HOXB3: variants seen among roughly 807,000 people sequenced by gnomAD.
The protein encoded by HOXB3 is homeobox B3, also known as homeobox protein Hox-B3.
In HOXB3, 17 loss-of-function variants were observed where a neutral mutation model predicts 29.2. The observed-to-expected ratio is 0.58, with a 90% CI of 0.40 to 0.87. HOXB3 has a LOEUF of 0.87. Ranked by LOEUF, HOXB3 falls within the 40% of genes least tolerant of loss-of-function variation. The pLI is 0.00. For synonymous variants in HOXB3, 317 were observed against 285.9 expected, an observed-to-expected ratio of 1.11 and a Z score of -1.10; for missense variants, 637 against 616.3, an observed-to-expected ratio of 1.03 and a Z score of -0.35.
intron 1 of HOXB3, chr17:48,576,570 C>T (rs2069769729): frequency 1.7e-6 from 1 of 605,932 alleles, no homozygotes; most frequent in South Asian, 3.0e-5. Flanking sequence ...CCCTCCCCCT[C>T]TTCTGCGTTT....
chr17:48,577,854 C>G lies in HOXB3; in HGVS notation c.-424-3840G>C, dbSNP rs200815965. ...GGGTGGGAGGGGGAAGGGGTGCCCACGCACTCACCCGTGCTCACGTGAACT... is the reference window on the plus strand; with the variant it reads ...GGGTGGGAGGGGGAAGGGGTGCCCAGGCACTCACCCGTGCTCACGTGAACT... On this transcript the variant is annotated intron_variant, in intron 1 of 4. Coordinates refer to ENST00000498678, the MANE Select transcript of HOXB3 (RefSeq NM_001384749.1). 9 of 1,401,824 alleles carry G rather than the reference C, an allele frequency of 6.4e-6. No homozygotes were observed. In the East Asian group the frequency reaches 2.2e-4, roughly 34 times the overall value. The allele number at this position is 1,401,824 out of a possible 1,614,324, so 86.8% of individuals were successfully genotyped here.
At position 48,552,192 on chromosome 17, in the gene HOXB3, C is replaced by T; in HGVS notation, c.283G>A (p.Ala95Thr). 6.2e-7 allele frequency: 1 copy of T among 1,613,474 alleles called. No homozygotes were observed. The highest frequency in any genetic ancestry group is 8.5e-7 in the Non-Finnish European group (1 of 1,179,776). Residue 95 changes from alanine (A) to threonine (T), a missense_variant, in exon 4 of 5, where the codon GCA becomes ACA. Coordinates refer to ENST00000498678, the MANE Select transcript of HOXB3 (RefSeq NM_001384749.1). ...APPGSPPPSA[A>T]PTSATSNSSN... ...CTGTTGCTAGTGGCACTGGTAGGTG[C>T]GGCACTGGGCGGGGGTGAGCCAGGC...
intron 1 of HOXB3, chr17:48,577,839 G>C: frequency 7.2e-7 from 1 of 1,394,516 alleles, no homozygotes; most frequent in East Asian, 2.8e-5. Flanking sequence ...GGGTGGGAGG[G>C]GGAAGGGGTG....
At chr17:48,577,260 G>A (rs2069796908) in intron 1 of HOXB3, among the ~76,000 whole-genome samples, 1 of 152,174 alleles carries the variant, frequency 6.6e-6, no homozygotes, top group Non-Finnish European at 1.5e-5. Flanking sequence ...GGGAAGGGGG[G>A]CGTGTGAGGA....
chr17:48,579,812 A>AT, intron 1 of HOXB3: 2 of 452,866 alleles, frequency 4.4e-6, no homozygotes, highest in Admixed American at 5.2e-5. Context: ...ATACATATAT[A>AT]TATATTTTTT....
rs147885355 is a variant in HOXB3 at position 48,565,187 on chromosome 17, A to G, written c.-247+8650T>C. On this transcript the variant is annotated intron_variant, in intron 2 of 4. Transcript: ENST00000498678. The stretch of plus-strand genomic sequence containing the variant: ...GAAAGTCCCAACTCCCCCCACCCCC[A>G]TGATGAAATTCTGTTTGGGGAGGTC... Among the ~76,000 whole-genome samples the G allele has an allele frequency of 1.7e-3, 255 of 152,272 alleles. 2 individuals carry two copies. Among genetic ancestry groups the G allele is most frequent in the African/African-American group, 5.7e-3 (238 of 41,556 alleles).
Position 48,578,389 on chromosome 17 carries a change from G to T in HOXB3, c.-424-4375C>A, listed in dbSNP as rs143310387. On this transcript the variant is annotated intron_variant, in intron 1 of 4. Coordinates refer to ENST00000498678, the MANE Select transcript of HOXB3 (RefSeq NM_001384749.1). ...ACCCCTGACTCGTTTTCCTGTTTCC[G>T]AAAGCCCTCCTACTTACTGTCAAGT... is the stretch of plus-strand genomic sequence containing the variant. The T allele has an allele frequency of 1.5e-3, 2,236 of 1,540,726 alleles. 28 individuals carry two copies. The African/African-American group carries it at 0.024, about 16-fold the overall frequency.
intron 2 of HOXB3, 148 bp from the exon 3 acceptor site, chr17:48,555,766 C>T (rs2068963237): frequency 1.6e-6 from 1 of 625,822 alleles, no homozygotes; most frequent in Non-Finnish European, 2.9e-6. Context: ...ATTCACTCGG[C>T]TTAGGAGCAG....
At chr17:48,574,804 C>A (rs1167152684) in intron 1 of HOXB3, among the ~76,000 whole-genome samples, 1 of 152,090 alleles carries the variant, frequency 6.6e-6, no homozygotes, top group Non-Finnish European at 1.5e-5. Context: ...TATTTGGTCC[C>A]CAGTCATACT....
chr17:48,588,787 G>C (rs949624030), intron 1 of HOXB3, among the ~76,000 whole-genome samples: 10 of 152,314 alleles, frequency 6.6e-5, no homozygotes, highest in African/African-American at 2.4e-4. Context: ...AGTCAGGCTT[G>C]GGCAGTGGAT....
chr17:48,578,555 A>T (rs998540874), intron 1 of HOXB3: 12 of 368,012 alleles, frequency 3.3e-5, no homozygotes, highest in Non-Finnish European at 4.5e-6. Context: ...CTCCCCACCC[A>T]CCCACCCAAC....
At chr17:48,565,287 C>A (rs956421257) in intron 2 of HOXB3, among the ~76,000 whole-genome samples, 3 of 152,182 alleles carry the variant, frequency 2.0e-5, no homozygotes, top group Non-Finnish European at 4.4e-5. Context: ...CATTCCCTGG[C>A]ACTTCAGCTC....
Position 48,552,391 on chromosome 17 carries a change from G to A in HOXB3, c.84C>T (p.Gly28=). The A allele has an allele frequency of 6.2e-7, 1 of 1,612,704 alleles. No homozygotes were observed. Among genetic ancestry groups the A allele is most frequent in the South Asian group, 1.1e-5 (1 of 90,960 alleles). The change falls in exon 4 of 5, where the codon GGC becomes GGT. Residue 28 remains glycine (G), a synonymous_variant. Transcript: ENST00000498678. ...ATGGGGGTTGGGGGGGGACATCGAA[G>A]CCGAAGCCATTGCTGCCAGGGTACG... ...YSSYPGSNGF[G]FDVPPQPPFQ...
rs1174933236 is a variant in HOXB3 at position 48,554,315 on chromosome 17, CTGAT to C, written c.-159+1212_-159+1215del. 3 of 304,224 alleles carry C rather than the reference CTGAT, an allele frequency of 9.9e-6. No individual in the cohort carries two copies. Among genetic ancestry groups the C allele is most frequent in the Admixed American group, 9.4e-5 (2 of 21,344 alleles). The allele number at this position is 304,224 out of a possible 1,614,324, so 18.8% of individuals were successfully genotyped here. A position where few individuals can be genotyped will look rare whatever the true frequency, so the allele number is the denominator to read the frequency against. ...TGGCTAGGCCCTGGCTTTATTTAGT[CTGAT>C]TGTTACAGCAATAATAATGATGACG... On this transcript the variant is annotated intron_variant, in intron 3 of 4. Coordinates refer to ENST00000498678, the MANE Select transcript of HOXB3 (RefSeq NM_001384749.1). The surrounding 1 kb of genome is among the most constrained non-coding windows in gnomAD (Gnocchi z 4.1).
rs149581658 is a variant in HOXB3, at chr17:48,578,314, A to G, written c.-424-4300T>C. 3.1e-6 allele frequency: 5 copies of G among 1,608,192 alleles called. No homozygotes were observed. In the African/African-American group the frequency reaches 6.7e-5, roughly 22 times the overall value. ...TTGAGTTGATCAAAAAAGAACTCATAGCCATTAATTTCTGGGAATTGCCCA... is the reference window on the plus strand; with the variant it reads ...TTGAGTTGATCAAAAAAGAACTCATGGCCATTAATTTCTGGGAATTGCCCA... On this transcript the variant is annotated intron_variant, in intron 1 of 4. Transcript: ENST00000498678.
chr17:48,586,543 A>G (rs1056377773), intron 1 of HOXB3, among the ~76,000 whole-genome samples: 2 of 152,168 alleles, frequency 1.3e-5, no homozygotes, highest in Non-Finnish European at 2.9e-5. Context: ...TGACCTCTGC[A>G]TGATCCCGGA....
chr17:48,552,324 C>G lies in HOXB3; in HGVS notation c.151G>C (p.Ala51Pro), dbSNP rs758085229. The G allele has an allele frequency of 7.4e-6, 12 of 1,613,968 alleles. No individual in the cohort carries two copies. Among genetic ancestry groups the G allele is most frequent in the East Asian group, 2.2e-5 (1 of 44,898 alleles). The change falls in exon 4 of 5, where the codon GCT (alanine) becomes CCT (proline). Residue 51 changes from alanine to proline, a missense_variant. Physicochemically the swap from Ala to Pro is conservative, Grantham distance 27. Coordinates refer to ENST00000498678, the MANE Select transcript of HOXB3 (RefSeq NM_001384749.1). ...TTGCCCAGGGACTGCAGCGAGCAAG[C>G]TGAGCGCTGGTAGTCGCCCTCCAGG... ...THLEGDYQRS[A>P]CSLQSLGNAA...
chr17:48,566,122 C>A (rs778266810), intron 2 of HOXB3, among the ~76,000 whole-genome samples: 1 of 152,138 alleles, frequency 6.6e-6, no homozygotes, highest in African/African-American at 2.4e-5. Context: ...GCATTCTATC[C>A]CAACCCCTGA....
Position 48,550,359 on chromosome 17 carries a change from T to C in HOXB3, c.1271A>G (p.Glu424Gly). 1.9e-6 allele frequency: 3 copies of C among 1,614,078 alleles called. No individual in the cohort carries two copies. Among genetic ancestry groups the C allele is most frequent in the Middle Eastern group, 1.6e-4 (1 of 6,062 alleles). The part of the protein sequence containing the change: ...HAPPPQGRIQ[E>G]APKLTHL ...TCACAGGTGTGTTAATTTGGGCGCT[T>C]CTTGGATTCTACCCTGAGGAGGAGG... The change falls in exon 5 of 5, where the codon GAA becomes GGA. Residue 424 changes from glutamate to glycine, a missense_variant. Glu to Gly is a moderately conservative substitution (Grantham distance 98). Transcript: ENST00000498678.
Sources: gnomAD v4.1 joint callset for allele counts (sites outside exome capture counted in the v4.1 genomes callset) on GRCh38, gnomAD v4.1.1 for gene constraint, Gnocchi (gnomAD v3.1) non-coding constraint, MANE v1.5 for transcripts, NCBI Gene and HGNC (gene_info 2026-07-23, HGNC 2026-07-21) for gene names.